Variants in MGAT4C observed in about 807,000 individuals in gnomAD.
MGAT4C encodes the protein alpha-1,3-mannosyl-glycoprotein 4-beta-N-acetylglucosaminyltransferase C.
MGAT4C carries 19 observed loss-of-function variants against 40.1 expected under a neutral mutation model. The observed-to-expected ratio is 0.47, with a 90% CI of 0.33 to 0.70. The LOEUF (loss-of-function observed/expected upper bound fraction) is 0.70. Ranked by LOEUF, MGAT4C falls within the 30% of genes least tolerant of loss-of-function variation. The pLI, the probability that MGAT4C is intolerant of heterozygous loss-of-function variation, is 0.02. For missense variants in MGAT4C, 491 were observed against 563.2 expected (o/e 0.87, Z 1.30); for synonymous variants, 181 against 187.1 (o/e 0.97, Z 0.27).
intron 2 of MGAT4C, among the ~76,000 whole-genome samples, chr12:86,512,211 A>T (rs1958600218): frequency 6.6e-6 from 1 of 152,124 alleles, no homozygotes; most frequent in South Asian, 2.1e-4. Context: ...AATCAAACTC[A>T]CAATGATATA....
At chr12:86,258,834 C>T (rs532279969), upstream of MGAT4C, among the ~76,000 whole-genome samples, 2 of 152,000 alleles carry the variant, frequency 1.3e-5, no homozygotes, top group East Asian at 1.9e-4. Context: ...TTGGCTTATA[C>T]TTTAATTCCT....
chr12:86,192,143 A>T (rs990420118), intron 1 of MGAT4C, among the ~76,000 whole-genome samples: 1 of 150,380 alleles, frequency 6.6e-6, no homozygotes, highest in African/African-American at 2.4e-5. Context: ...ACCTAATGTA[A>T]ATGACAAGTT....
At chr12:86,501,338 T>G (rs1245042075) in intron 2 of MGAT4C, among the ~76,000 whole-genome samples, 1 of 152,112 alleles carries the variant, frequency 6.6e-6, no homozygotes, top group Admixed American at 6.6e-5. Flanking sequence ...GTTATTTATT[T>G]TATTTTATTT....
chr12:86,345,625 A>T (rs1047977093), intron 3 of MGAT4C, among the ~76,000 whole-genome samples: 2 of 152,134 alleles, frequency 1.3e-5, no homozygotes, highest in Non-Finnish European at 2.9e-5. Flanking sequence ...TTATGGCTGC[A>T]TAGTATTCCA....
chr12:86,254,085 G>A (rs1190524783), intron 1 of MGAT4C, among the ~76,000 whole-genome samples: 1 of 151,816 alleles, frequency 6.6e-6, no homozygotes, highest in East Asian at 1.9e-4. Flanking sequence ...TATTTAAAAG[G>A]AGGCAGAGAA....
chr12:86,077,898 C>T (rs1040197812), intron 1 of MGAT4C, among the ~76,000 whole-genome samples: 1 of 152,150 alleles, frequency 6.6e-6, no homozygotes. Flanking sequence ...TTCATCTTAG[C>T]CTGTTGACTT....
At chr12:86,292,328 ACTC>A (rs913188422) in intron 4 of MGAT4C, among the ~76,000 whole-genome samples, 14 of 151,706 alleles carry the variant, frequency 9.2e-5, no homozygotes, top group Admixed American at 2.6e-4. Flanking sequence ...AGATATAACT[ACTC>A]CTTTAACTTA....
At chr12:86,167,320 A>G (rs1886297614) in intron 1 of MGAT4C, among the ~76,000 whole-genome samples, 1 of 152,176 alleles carries the variant, frequency 6.6e-6, no homozygotes, top group Non-Finnish European at 1.5e-5. Flanking sequence ...TTTTCAGTTC[A>G]CAGTATTTAT....
At chr12:85,991,986 GCAGA>G (rs780470436) in intron 2 of MGAT4C, among the ~76,000 whole-genome samples, 130 of 152,222 alleles carry the variant, frequency 8.5e-4, no homozygotes, top group Admixed American at 1.8e-3. Flanking sequence ...TTTTCAAAGG[GCAGA>G]CAAAGGTGCC....
At chr12:86,094,932 T>C (rs1873622159) in intron 1 of MGAT4C, among the ~76,000 whole-genome samples, 1 of 152,134 alleles carries the variant, frequency 6.6e-6, no homozygotes, top group East Asian at 1.9e-4. Context: ...GAGGCCAAGA[T>C]AGCTGCTCAC....
chr12:85,981,085 C>A (rs1161870231), intron 4 of MGAT4C, among the ~76,000 whole-genome samples: 1 of 151,984 alleles, frequency 6.6e-6, no homozygotes, highest in Non-Finnish European at 1.5e-5. Flanking sequence ...AAGACACATT[C>A]AAAAAACTTT....
At chr12:86,593,962 T>C (rs1193523488) in intron 2 of MGAT4C, among the ~76,000 whole-genome samples, 1 of 152,140 alleles carries the variant, frequency 6.6e-6, no homozygotes, top group Non-Finnish European at 1.5e-5. Flanking sequence ...ACTGAAAATC[T>C]GATAGATAAC....
chr12:86,417,598 T>C (rs749407659), intron 3 of MGAT4C, among the ~76,000 whole-genome samples: 11 of 152,142 alleles, frequency 7.2e-5, no homozygotes, highest in Admixed American at 2.0e-4. Flanking sequence ...TACCTGTATA[T>C]ATTTTTGACT....
intron 2 of MGAT4C, among the ~76,000 whole-genome samples, chr12:86,693,744 T>G (rs781342428): frequency 6.6e-6 from 1 of 152,170 alleles, no homozygotes; most frequent in Non-Finnish European, 1.5e-5. Context: ...TTCTAAGTAA[T>G]GGAGAGAAAT....
intron 2 of MGAT4C, among the ~76,000 whole-genome samples, chr12:86,509,361 A>C (rs1364758856): frequency 1.3e-5 from 2 of 152,196 alleles, no homozygotes; most frequent in Admixed American, 6.5e-5. Flanking sequence ...GTCAAAGATC[A>C]GATAGTTGTA....
At chr12:86,254,756 G>A (rs1325637113) in intron 1 of MGAT4C, among the ~76,000 whole-genome samples, 3 of 151,954 alleles carry the variant, frequency 2.0e-5, no homozygotes, top group Non-Finnish European at 4.4e-5. Flanking sequence ...GATGTATATT[G>A]GAAGCTTTTT....
At chr12:86,227,110 A>G (rs1951119839) in intron 1 of MGAT4C, among the ~76,000 whole-genome samples, 1 of 151,860 alleles carries the variant, frequency 6.6e-6, no homozygotes, top group Admixed American at 6.6e-5. Context: ...CTTTATCTAA[A>G]TCATCTCCTC....
intron 2 of MGAT4C, among the ~76,000 whole-genome samples, chr12:86,630,886 G>A (rs1295173724): frequency 6.6e-6 from 1 of 152,124 alleles, no homozygotes; most frequent in Non-Finnish European, 1.5e-5. Context: ...TCAACATAGT[G>A]TTGGAAGTTC....
chr12:86,528,607 C>A (rs182944074), intron 2 of MGAT4C, among the ~76,000 whole-genome samples: 102 of 151,992 alleles, frequency 6.7e-4, no homozygotes, highest in African/African-American at 2.3e-3. Context: ...AAATTAATTT[C>A]ATGAACAATA....
Sources: allele counts gnomAD v4.1 joint callset (sites outside exome capture counted in the v4.1 genomes callset), GRCh38; gene constraint gnomAD v4.1.1; transcripts MANE v1.5; gene names NCBI Gene and HGNC (gene_info 2026-07-23, HGNC 2026-07-21).